NECTIN1: variants seen among roughly 807,000 people sequenced by gnomAD.
NECTIN1 encodes the protein nectin-1.
A neutral mutation model predicts 48.0 loss-of-function variants in NECTIN1; 23 were observed. That is an observed-to-expected ratio of 0.48 (90% CI 0.34 to 0.68). The LOEUF (loss-of-function observed/expected upper bound fraction) is 0.68, where lower values mean the gene tolerates loss of function less well. Ranked by LOEUF, NECTIN1 falls within the 30% of genes least tolerant of loss-of-function variation. The pLI, the probability that NECTIN1 is intolerant of heterozygous loss-of-function variation, is 0.01. For synonymous variants in NECTIN1, 270 were observed against 288.9 expected (o/e 0.93, Z 0.66); for missense variants, 591 against 709.9 (o/e 0.83, Z 1.90).
chr11:119,653,812 G>A (rs1015761886), intron 5 of NECTIN1, among the ~76,000 whole-genome samples: 3 of 152,196 alleles, frequency 2.0e-5, no homozygotes, highest in Admixed American at 6.5e-5. Flanking sequence ...CCTTACAGCC[G>A]TCGGTGGCAA....
intron 7 of NECTIN1, chr11:119,638,295 C>A: frequency 6.2e-7 from 1 of 1,610,238 alleles, no homozygotes; most frequent in Non-Finnish European, 8.5e-7. Flanking sequence ...CATGCCCCTG[C>A]TCCAGGTGGC....
At chr11:119,660,230 G>C (rs1210258694), downstream of NECTIN1, among the ~76,000 whole-genome samples, 1 of 152,168 alleles carries the variant, frequency 6.6e-6, no homozygotes, top group Non-Finnish European at 1.5e-5. Context: ...ACGGAGGGAT[G>C]GCTGGGATGG....
intron 1 of NECTIN1, among the ~76,000 whole-genome samples, chr11:119,697,442 T>A (rs1865360593): frequency 6.6e-6 from 1 of 152,166 alleles, no homozygotes; most frequent in Non-Finnish European, 1.5e-5. Context: ...GCTCAGCCCC[T>A]CTCCTTCGTA....
intron 5 of NECTIN1, among the ~76,000 whole-genome samples, chr11:119,651,462 C>A (rs1171982126): frequency 6.6e-6 from 1 of 152,120 alleles, no homozygotes; most frequent in East Asian, 1.9e-4. Flanking sequence ...CCCCATACTC[C>A]TTAAGTGGGC....
chr11:119,692,797 T>C (rs1865280535), intron 1 of NECTIN1, among the ~76,000 whole-genome samples: 1 of 152,208 alleles, frequency 6.6e-6, no homozygotes, highest in South Asian at 2.1e-4. Flanking sequence ...CTGATTCTGA[T>C]CAGGGCAGTC....
chr11:119,648,246 G>T (rs1864425817), intron 5 of NECTIN1, among the ~76,000 whole-genome samples: 1 of 93,800 alleles, frequency 1.1e-5, no homozygotes, highest in African/African-American at 3.9e-5. Context: ...TGATAGTGGT[G>T]GTGATAGAGG....
chr11:119,704,697 A>C (rs4938715), intron 1 of NECTIN1, among the ~76,000 whole-genome samples: 151,668 of 152,270 alleles, frequency 1, 75,547 homozygotes, highest in Middle Eastern at 1. Context: ...ATGAGTCTCC[A>C]TCTCCTCCGT....
At chr11:119,692,767 C>T (rs774845810) in intron 1 of NECTIN1, among the ~76,000 whole-genome samples, 12 of 152,364 alleles carry the variant, frequency 7.9e-5, no homozygotes, top group Non-Finnish European at 1.2e-4. Flanking sequence ...CACCTGCCCA[C>T]GGTCACACAG....
Position 119,639,987 on chromosome 11 carries a change from C to T in NECTIN1, c.1029G>A (p.Leu343=), listed in dbSNP as rs1219288395. 5.0e-6 allele frequency: 8 copies of T among 1,613,772 alleles called. No individual in the cohort carries two copies. In the African/African-American group the frequency reaches 6.7e-5, roughly 13 times the overall value. Reference sequence around the variant, plus strand: ...CCGCCAGGAGCCTGGCTGCACTTCCCAGACCCCTCTGGGGGCGGGGCTTTT... The same window carrying T: ...CCGCCAGGAGCCTGGCTGCACTTCCTAGACCCCTCTGGGGGCGGGGCTTTT... Residue 343 remains leucine (L), a synonymous_variant, in exon 6 of 8, where the codon CTG becomes CTA. Transcript: ENST00000341398.
chr11:119,680,898 C>T (rs1004589927), intron 1 of NECTIN1, among the ~76,000 whole-genome samples: 3 of 152,214 alleles, frequency 2.0e-5, no homozygotes, highest in Non-Finnish European at 2.9e-5. Flanking sequence ...TATCCAGCCA[C>T]GAGTTGGGAA....
intron 5 of NECTIN1, among the ~76,000 whole-genome samples, chr11:119,649,684 C>T (rs1052277103): frequency 4.6e-5 from 7 of 151,846 alleles, no homozygotes; most frequent in Non-Finnish European, 7.4e-5. Flanking sequence ...GGTGAGACTC[C>T]GTCTCCAAAA....
chr11:119,652,150 T>C (rs1864501847), intron 5 of NECTIN1, among the ~76,000 whole-genome samples: 1 of 152,226 alleles, frequency 6.6e-6, no homozygotes, highest in South Asian at 2.1e-4. Flanking sequence ...CCCCTGTCCT[T>C]CTTGTCATTA....
At chr11:119,714,198 G>T (rs1468441053) in intron 1 of NECTIN1, among the ~76,000 whole-genome samples, 1 of 152,182 alleles carries the variant, frequency 6.6e-6, no homozygotes, top group Non-Finnish European at 1.5e-5. Context: ...CCTGGGGGTT[G>T]TGTTAGAGCC....
chr11:119,669,311 C>T (rs1288706097), intron 5 of NECTIN1, among the ~76,000 whole-genome samples: 1 of 151,328 alleles, frequency 6.6e-6, no homozygotes, highest in Non-Finnish European at 1.5e-5. Flanking sequence ...ACTTGGGAGG[C>T]TGAGGCAGGA....
chr11:119,725,099 T>A (rs1865889859), intron 1 of NECTIN1, among the ~76,000 whole-genome samples: 1 of 152,120 alleles, frequency 6.6e-6, no homozygotes, highest in Admixed American at 6.5e-5. Context: ...TGCTGAACAA[T>A]GAACATTAGT....
intron 1 of NECTIN1, among the ~76,000 whole-genome samples, chr11:119,719,326 C>G (rs568367400): frequency 6.6e-6 from 1 of 152,300 alleles, no homozygotes; most frequent in African/African-American, 2.4e-5. Context: ...GTGAGGACTC[C>G]AGGCTTAGGA....
At chr11:119,711,461 C>T (rs1303602920) in intron 1 of NECTIN1, among the ~76,000 whole-genome samples, 2 of 151,816 alleles carry the variant, frequency 1.3e-5, no homozygotes, top group South Asian at 2.1e-4. Context: ...CAGCTCCCAT[C>T]GGTTTACTGT....
At chr11:119,669,983 G>A (rs1464910563) in intron 5 of NECTIN1, among the ~76,000 whole-genome samples, 5 of 146,656 alleles carry the variant, frequency 3.4e-5, no homozygotes, top group African/African-American at 5.2e-5. Context: ...TTTTTGAGAC[G>A]GAGTCTTGCT....
chr11:119,666,892 C>T (rs1424026979), intron 5 of NECTIN1, among the ~76,000 whole-genome samples: 1 of 152,150 alleles, frequency 6.6e-6, no homozygotes, highest in African/African-American at 2.4e-5. Context: ...GCGGGAAGGG[C>T]TGACGAAAAC....
Sources: gnomAD v4.1 joint callset for allele counts (sites outside exome capture counted in the v4.1 genomes callset) on GRCh38, gnomAD v4.1.1 for gene constraint, MANE v1.5 for transcripts, NCBI Gene and HGNC (gene_info 2026-07-23, HGNC 2026-07-21) for gene names.